The following ZFYVE28 variants were observed in gnomAD, a reference collection of about 807,000 sequenced individuals.
ZFYVE28 encodes lateral signaling target protein 2 homolog.
Under a neutral mutation model 82.1 loss-of-function variants are expected in ZFYVE28, and 40 were observed. The ratio of observed to expected loss-of-function variants is 0.49; its 90% CI spans 0.38 to 0.63. The LOEUF is 0.63. Among genes scored for constraint, ZFYVE28 ranks in the 30% least tolerant of loss-of-function variants. The pLI is 0.00. For synonymous variants in ZFYVE28, 612 were observed against 546.1 expected, an observed-to-expected ratio of 1.12 and a Z score of -1.68; for missense variants, 1,321 against 1,242.1, an observed-to-expected ratio of 1.06 and a Z score of -0.96.
In ZFYVE28 at chr4:2,392,398, A is replaced by G. The variant is rs534725281; in HGVS notation, c.39+25887T>C. Among the ~76,000 whole-genome samples, 8 of 152,300 alleles carry G rather than the reference A, an allele frequency of 5.3e-5. No homozygotes were observed. The East Asian group carries it at 1.5e-3, about 29-fold the overall frequency. ...GTAAGTACATCCTTTATCAGAACAA[A>G]CATGACAACTACAAATGGGACAAAA... On this transcript the variant is annotated intron_variant, in intron 1 of 12. Coordinates refer to ENST00000290974, the MANE Select transcript of ZFYVE28 (RefSeq NM_020972.3).
At chr4:2,387,114 G>C (rs961493357) in intron 1 of ZFYVE28, among the ~76,000 whole-genome samples, 1 of 152,132 alleles carries the variant, frequency 6.6e-6, no homozygotes, top group Non-Finnish European at 1.5e-5. Flanking sequence ...AGCCAGGATG[G>C]AGAGCGGTGC....
intron 7 of ZFYVE28, 116 bp from the exon 8 acceptor site, chr4:2,305,652 G>T: frequency 8.0e-7 from 1 of 1,253,546 alleles, no homozygotes; most frequent in Non-Finnish European, 1.1e-6. Context: ...GCCAGGCACT[G>T]AATGCTTGCA....
chr4:2,310,297 C>A (rs543558397), intron 7 of ZFYVE28, among the ~76,000 whole-genome samples: 1 of 152,156 alleles, frequency 6.6e-6, no homozygotes, highest in Non-Finnish European at 1.5e-5. Flanking sequence ...CCTCAGCCTT[C>A]CAAAGTCCTG....
At chr4:2,368,822 T>C (rs1727191875) in intron 1 of ZFYVE28, among the ~76,000 whole-genome samples, 2 of 152,246 alleles carry the variant, frequency 1.3e-5, no homozygotes, top group African/African-American at 4.8e-5. Context: ...TCTGGGTATA[T>C]ATCTAGAAGT....
rs2108697103 is a variant in ZFYVE28, at chr4:2,417,334, C to T, written c.39+951G>A. Among the ~76,000 whole-genome samples the T allele has an allele frequency of 6.6e-6, 1 of 152,058 alleles. No homozygotes were observed. Among genetic ancestry groups the T allele is most frequent in the South Asian group, 2.1e-4 (1 of 4,834 alleles). ...GGGATCCTGAACACCGCCGCGCCTT[C>T]ATCCCGCGCCGAGCGCGCCCGGCCC... On this transcript the variant is annotated intron_variant, in intron 1 of 12. Coordinates refer to ENST00000290974, the MANE Select transcript of ZFYVE28 (RefSeq NM_020972.3). This position sits in a 1 kb window ranked among gnomAD's most constrained non-coding sequence, Gnocchi z 4.8.
At chr4:2,279,060 G>T (rs1028858994) in intron 8 of ZFYVE28, among the ~76,000 whole-genome samples, 1 of 152,066 alleles carries the variant, frequency 6.6e-6, no homozygotes, top group Non-Finnish European at 1.5e-5. Flanking sequence ...TTGGAAAACA[G>T]TTGAATGGAT....
chr4:2,278,938 C>G (rs565163957), intron 8 of ZFYVE28, among the ~76,000 whole-genome samples: 43 of 148,324 alleles, frequency 2.9e-4, no homozygotes, highest in East Asian at 2.0e-3. Flanking sequence ...TTCCCCCCCC[C>G]CTCAAAAAAA....
At position 2,350,046 on chromosome 4, in the gene ZFYVE28, C is replaced by T. The variant is rs188545822; in HGVS notation, c.180+3887G>A. ...AGGGTGACACACAGACACACACACA[C>T]ACACACACACACACACACACTCGGC... On this transcript the variant is annotated intron_variant, in intron 2 of 12. Coordinates refer to ENST00000290974, the MANE Select transcript of ZFYVE28 (RefSeq NM_020972.3). Among the ~76,000 whole-genome samples, 360 of 151,968 alleles carry T rather than the reference C, an allele frequency of 2.4e-3. 2 individuals carry two copies. Among genetic ancestry groups the T allele is most frequent in the African/African-American group, 8.4e-3 (348 of 41,434 alleles).
At chr4:2,356,151 G>A (rs1725278220) in intron 1 of ZFYVE28, among the ~76,000 whole-genome samples, 1 of 152,150 alleles carries the variant, frequency 6.6e-6, no homozygotes, top group African/African-American at 2.4e-5. Context: ...CTGGGGTGGG[G>A]AGAGCAAACC....
chr4:2,360,559 TG>T (rs1488503240), intron 1 of ZFYVE28, among the ~76,000 whole-genome samples: 1 of 152,124 alleles, frequency 6.6e-6, no homozygotes, highest in African/African-American at 2.4e-5. Flanking sequence ...CAGCAGTGCC[TG>T]GGGCGGGAGC....
At chr4:2,353,511 T>C (rs1724781328) in intron 2 of ZFYVE28, among the ~76,000 whole-genome samples, 1 of 152,188 alleles carries the variant, frequency 6.6e-6, no homozygotes, top group African/African-American at 2.4e-5. Context: ...AGGGTATTTT[T>C]AGCGGCAGCT....
At chr4:2,337,168 A>T (rs1721955345) in intron 5 of ZFYVE28, among the ~76,000 whole-genome samples, 1 of 151,790 alleles carries the variant, frequency 6.6e-6, no homozygotes, top group Admixed American at 6.6e-5. Context: ...GCAGACAGAA[A>T]AGCGACCGTG....
Position 2,341,669 on chromosome 4 carries a change from G to T in ZFYVE28, c.181-54C>A. 1.9e-6 allele frequency: 3 copies of T among 1,580,324 alleles called. No individual in the cohort carries two copies. Among genetic ancestry groups the T allele is most frequent in the Non-Finnish European group, 8.6e-7 (1 of 1,156,774 alleles). ...CAATCGCTGTGTCCAGCTGGCGGCC[G>T]CCATGTACTGCTGGAAAACACGCAC... On this transcript the variant is annotated intron_variant, in intron 2 of 12. Transcript: ENST00000290974. This position sits in a 1 kb window ranked among gnomAD's most constrained non-coding sequence, Gnocchi z 4.5.
chr4:2,396,903 G>A (rs148049250), intron 1 of ZFYVE28, among the ~76,000 whole-genome samples: 1 of 152,318 alleles, frequency 6.6e-6, no homozygotes, highest in Non-Finnish European at 1.5e-5. Flanking sequence ...GGGGGGTCCT[G>A]AGCAGCGAGT....
At position 2,371,927 on chromosome 4, in the gene ZFYVE28, G is replaced by A. The variant is rs145169073; in HGVS notation, c.40-17854C>T. On this transcript the variant is annotated intron_variant, in intron 1 of 12. Transcript: ENST00000290974. ...GCTCCAGGGCCGTGAGCTGATGGCCGTGTGTCCCCAGGATCCAGGGCTGGA... is the reference window on the plus strand; with the variant it reads ...GCTCCAGGGCCGTGAGCTGATGGCCATGTGTCCCCAGGATCCAGGGCTGGA... 1.3e-3 allele frequency among the ~76,000 whole-genome samples: 200 copies of A among 152,258 alleles called. 1 individual carries two copies. The highest frequency in any genetic ancestry group is 4.5e-3 in the African/African-American group (188 of 41,556).
chr4:2,281,297 G>A (rs990535231), intron 8 of ZFYVE28, among the ~76,000 whole-genome samples: 1 of 152,144 alleles, frequency 6.6e-6, no homozygotes, highest in Non-Finnish European at 1.5e-5. Context: ...GCATGAGCCT[G>A]GGTCCTTCTG....
intron 1 of ZFYVE28, among the ~76,000 whole-genome samples, chr4:2,406,034 A>ACAAGACTC: frequency 7.4e-6 from 1 of 134,880 alleles, no homozygotes; most frequent in Non-Finnish European, 1.6e-5. Context: ...GGGCCACAGA[A>ACAAGACTC]TGGATTCTGT....
intron 6 of ZFYVE28, chr4:2,330,499 C>A: frequency 9.1e-7 from 1 of 1,101,682 alleles, no homozygotes; most frequent in South Asian, 2.3e-5. Flanking sequence ...GGGGACAGTG[C>A]AGAGGAGCAC....
At chr4:2,388,570 T>C (rs1273269345) in intron 1 of ZFYVE28, among the ~76,000 whole-genome samples, 2 of 152,122 alleles carry the variant, frequency 1.3e-5, no homozygotes, top group African/African-American at 2.4e-5. Flanking sequence ...TTCCTGCCCA[T>C]GTGACGACTT....
Sources: allele counts gnomAD v4.1 joint callset (sites outside exome capture counted in the v4.1 genomes callset), GRCh38; gene constraint gnomAD v4.1.1; non-coding constraint Gnocchi (gnomAD v3.1); transcripts MANE v1.5; gene names NCBI Gene and HGNC (gene_info 2026-07-23, HGNC 2026-07-21).